The following CCDC69 variants were observed in gnomAD, a reference collection of about 807,000 sequenced individuals.
The protein encoded by CCDC69 is coiled-coil domain-containing protein 69.
In CCDC69, 38 loss-of-function variants were observed where a neutral mutation model predicts 40.3. The ratio of observed to expected loss-of-function variants is 0.94; its 90% confidence interval spans 0.73 to 1.24. CCDC69 has a LOEUF of 1.24. CCDC69 is among the 50% of genes most tolerant of loss of function. The probability of loss-of-function intolerance (pLI) is 0.00; values close to 1 mark genes in which losing one functional copy is unlikely to be tolerated. For synonymous variants in CCDC69, 141 were observed against 138.9 expected (o/e 1.02, Z -0.11); for missense variants, 389 against 357.9 (o/e 1.09, Z -0.70).
intron 1 of CCDC69, 88 bp downstream of exon 1, chr5:151,223,835 A>C: frequency 7.4e-7 from 1 of 1,347,700 alleles, no homozygotes; most frequent in Non-Finnish European, 1.0e-6. Context: ...CCGACCAGAG[A>C]GAGCCCGGGG....
chr5:151,183,416 G>A lies in CCDC69; in HGVS notation c.*21C>T, dbSNP rs1766672498. On this transcript the variant is annotated 3_prime_UTR_variant, in exon 9 of 9. Transcript: ENST00000355417. The stretch of plus-strand genomic sequence containing the variant: ...AAGGAGCTGTGACTTCAGGCGTCGT[G>A]GTGGGCCCAGGCCCTGCACCCTATG... The A allele has an allele frequency of 1.9e-6, 3 of 1,591,398 alleles. No individual in the cohort carries two copies. Among genetic ancestry groups the A allele is most frequent in the Non-Finnish European group, 8.5e-7 (1 of 1,170,382 alleles).
At chr5:151,212,952 A>G (rs1293454716) in intron 1 of CCDC69, 2 of 452,618 alleles carry the variant, frequency 4.4e-6, no homozygotes, top group African/African-American at 4.0e-5. Context: ...CATTAGTAGC[A>G]TGCAAGAAGA....
intron 4 of CCDC69, 95 bp downstream of exon 4, chr5:151,198,902 G>A: frequency 1.1e-6 from 1 of 879,740 alleles, no homozygotes; most frequent in East Asian, 2.4e-5. Context: ...GACAGACAGG[G>A]AGGGAACAGT....
In CCDC69 at chr5:151,223,018, A is replaced by G. The variant is rs913488339; in HGVS notation, c.48+905T>C. 7.9e-5 allele frequency among the ~76,000 whole-genome samples: 12 copies of G among 152,212 alleles called. 1 individual carries two copies. Among genetic ancestry groups the G allele is most frequent in the Admixed American group, 7.2e-4 (11 of 15,284 alleles). ...TCAAGGGGGAATGATGATAAAGTTT[A>G]AGGGATCACCTAGTCCCACCTGGCT... On this transcript the variant is annotated intron_variant, in intron 1 of 8. Coordinates refer to ENST00000355417, the MANE Select transcript of CCDC69 (RefSeq NM_015621.3).
chr5:151,185,333 A>C, intron 7 of CCDC69, 89 bp downstream of exon 7: 19 of 1,484,338 alleles, frequency 1.3e-5, no homozygotes, highest in Non-Finnish European at 1.7e-5. Flanking sequence ...GACCTCCTCA[A>C]ACCACCTCCC....
intron 1 of CCDC69, chr5:151,215,539 C>A: frequency 3.3e-6 from 1 of 303,788 alleles, no homozygotes; most frequent in Non-Finnish European, 7.3e-6. Context: ...CAGCTGTTAG[C>A]TCTGGTCATG....
Position 151,184,457 on chromosome 5 carries a change from T to A in CCDC69, c.616-16A>T, listed in dbSNP as rs1233559595. 1 of 1,563,174 alleles carries A rather than the reference T, an allele frequency of 6.4e-7. No individual in the cohort carries two copies. Among genetic ancestry groups the A allele is most frequent in the South Asian group, 1.1e-5 (1 of 89,996 alleles). ...TTTTCTCTTTCTATAACAATGAGAA[T>A]GAGCTCAGAAAGCTGCCAAACTCAC... On this transcript the variant is annotated splice_polypyrimidine_tract_variant and intron_variant, in intron 7 of 8. Transcript: ENST00000355417.
At chr5:151,218,026 G>T (rs1170619883) in intron 1 of CCDC69, among the ~76,000 whole-genome samples, 1 of 152,180 alleles carries the variant, frequency 6.6e-6, no homozygotes, top group African/African-American at 2.4e-5. Context: ...AAATCTGGAA[G>T]TAGGTCAGAC....
chr5:151,184,231 A>C, intron 8 of CCDC69, 113 bp downstream of exon 8: 4 of 750,036 alleles, frequency 5.3e-6, no homozygotes, highest in Non-Finnish European at 9.2e-6. Flanking sequence ...TTCCCTAAAT[A>C]GGCCCTGGGC....
intron 3 of CCDC69, among the ~76,000 whole-genome samples, chr5:151,201,363 C>T (rs1296782924): frequency 2.0e-5 from 3 of 152,160 alleles, no homozygotes; most frequent in Admixed American, 6.5e-5. Context: ...CTCTCAGCTT[C>T]GTGAAAGCAG....
At chr5:151,202,828 C>G (rs1446312750) in intron 2 of CCDC69, among the ~76,000 whole-genome samples, 9 of 152,344 alleles carry the variant, frequency 5.9e-5, no homozygotes, top group South Asian at 2.1e-4. Context: ...GCCATCCTCT[C>G]TGTGCCTCAG....
Position 151,185,492 on chromosome 5 carries a change from T to G in CCDC69, c.545A>C (p.His182Pro). Residue 182 changes from histidine (H) to proline (P), a missense_variant, in exon 7 of 9, where the codon CAC becomes CCC. Physicochemically the swap from His to Pro is moderately conservative, Grantham distance 77. Transcript: ENST00000355417. Reference sequence around the variant, plus strand: ...CTCATTCTTCATCTCGATGACAAAGTGTAAGCTCTCCAGCTCCTGCTCCCA... The same window carrying G: ...CTCATTCTTCATCTCGATGACAAAGGGTAAGCTCTCCAGCTCCTGCTCCCA... ...QFWEQELESL[H>P]FVIEMKNERI... 1 of 1,614,002 alleles carries G rather than the reference T, an allele frequency of 6.2e-7. No individual in the cohort carries two copies. The highest frequency in any genetic ancestry group is 1.1e-5 in the South Asian group (1 of 91,084).
intron 1 of CCDC69, among the ~76,000 whole-genome samples, chr5:151,223,299 T>A (rs1048659339): frequency 2.6e-5 from 4 of 152,168 alleles, no homozygotes; most frequent in African/African-American, 9.7e-5. Context: ...ATCTCCTCCC[T>A]CTTTGGCCCC....
At chr5:151,204,261 T>C (rs1193515799) in intron 2 of CCDC69, among the ~76,000 whole-genome samples, 2 of 152,176 alleles carry the variant, frequency 1.3e-5, no homozygotes, top group African/African-American at 4.8e-5. Flanking sequence ...TCTTGAACTC[T>C]TGGGCTCAAG....
chr5:151,214,570 C>A (rs1378352784), intron 1 of CCDC69, among the ~76,000 whole-genome samples: 2 of 152,176 alleles, frequency 1.3e-5, no homozygotes, highest in Non-Finnish European at 2.9e-5. Context: ...TTTAATTCAT[C>A]CCCTTCATAT....
At chr5:151,212,573 G>A (rs1752969144) in intron 1 of CCDC69, among the ~76,000 whole-genome samples, 1 of 152,182 alleles carries the variant, frequency 6.6e-6, no homozygotes, top group Non-Finnish European at 1.5e-5. Context: ...GATTGGGGCT[G>A]GTGAGATGCT....
At chr5:151,221,821 G>A (rs1275282137) in intron 1 of CCDC69, among the ~76,000 whole-genome samples, 1 of 152,250 alleles carries the variant, frequency 6.6e-6, no homozygotes, top group Non-Finnish European at 1.5e-5. Flanking sequence ...CATCCCTGGA[G>A]TCCCCCTCTC....
intron 7 of CCDC69, chr5:151,184,643 G>A (rs1561597118): frequency 4.1e-6 from 2 of 485,610 alleles, no homozygotes; most frequent in Non-Finnish European, 7.4e-6. Context: ...ACAGGAGAAT[G>A]GTAAAAAAAA....
chr5:151,191,063 A>G (rs1752605096), intron 4 of CCDC69, among the ~76,000 whole-genome samples: 1 of 151,398 alleles, frequency 6.6e-6, no homozygotes, highest in African/African-American at 2.4e-5. Context: ...ACAAACCTGC[A>G]TGTGTGTCCT....
Sources: allele counts gnomAD v4.1 joint callset (sites outside exome capture counted in the v4.1 genomes callset), GRCh38; gene constraint gnomAD v4.1.1; transcripts MANE v1.5; gene names NCBI Gene and HGNC (gene_info 2026-07-23, HGNC 2026-07-21).